TCIRG1: variants seen among roughly 807,000 people sequenced by gnomAD.
TCIRG1 encodes the protein V-type proton ATPase 116 kDa subunit a 3.
TCIRG1 carries 86 observed loss-of-function variants against 95.5 expected under a neutral mutation model. The observed-to-expected ratio is 0.90, with a 90% CI of 0.76 to 1.08. The LOEUF (loss-of-function observed/expected upper bound fraction) is 1.08, where lower values mean the gene tolerates loss of function less well. TCIRG1 is among the 50% of genes least tolerant of loss of function. The pLI is 0.00. For missense variants in TCIRG1, 1,069 were observed against 1,140.2 expected (o/e 0.94, Z 0.90); for synonymous variants, 499 against 501.3 (o/e 1.00, Z 0.06).
At chr11:68,043,934 G>A (rs763213665) in intron 8 of TCIRG1, 27 bp downstream of exon 8, 16 of 1,506,478 alleles carry the variant, frequency 1.1e-5, no homozygotes, top group South Asian at 6.0e-5. Context: ...TTCCGGAGGC[G>A]GGTGTAGGAG....
intron 10 of TCIRG1, chr11:68,047,003 G>GTTTTTT: frequency 3.3e-6 from 1 of 304,114 alleles, no homozygotes; most frequent in East Asian, 1.1e-4. Flanking sequence ...TAAGTGGTGG[G>GTTTTTT]TTCTTTTTTT....
rs1182841348 is a variant in TCIRG1 at position 68,043,615 on chromosome 11, T to C, written c.675T>C (p.Gly225=). 9.3e-6 allele frequency: 15 copies of C among 1,611,472 alleles called. No homozygotes were observed. The highest frequency in any genetic ancestry group is 1.3e-5 in the Non-Finnish European group (15 of 1,179,378). ...TWMTFLISYW[G]EQIGQKIRKI... ...TGACCTTCCTCATCTCCTACTGGGG[T>C]GAGCAGATCGGACAGAAGATCCGCA... Residue 225 remains glycine, a synonymous_variant, in exon 7 of 20, where the codon GGT becomes GGC. Coordinates refer to ENST00000265686, the MANE Select transcript of TCIRG1 (RefSeq NM_006019.4).
Position 68,049,671 on chromosome 11 carries a change from C to G in TCIRG1, c.1896C>G (p.Val632=), listed in dbSNP as rs2134462579. 1 of 1,600,674 alleles carries G rather than the reference C, an allele frequency of 6.2e-7. No homozygotes were observed. The highest frequency in any genetic ancestry group is 2.2e-5 in the East Asian group (1 of 44,814). Residue 632 remains valine, a synonymous_variant, in exon 16 of 20, where the codon GTC becomes GTG. Coordinates refer to ENST00000265686, the MANE Select transcript of TCIRG1 (RefSeq NM_006019.4). ...NRLLYPRQEV[V]QATLVVLALA... is the part of the protein sequence containing the mutation. ...CGCCCTCTCCCTGGCAGGAGGTGGTCCAGGCCACGCTGGTGGTCCTGGCCT... is the reference window on the plus strand; with the variant it reads ...CGCCCTCTCCCTGGCAGGAGGTGGTGCAGGCCACGCTGGTGGTCCTGGCCT...
intron 10 of TCIRG1, 146 bp downstream of exon 10, chr11:68,045,248 C>A: frequency 9.8e-7 from 1 of 1,017,060 alleles, no homozygotes; most frequent in Non-Finnish European, 1.5e-6. Context: ...TCTCAAGGGG[C>A]TGTTGGGCTC....
chr11:68,043,415 A>G lies in TCIRG1; in HGVS notation c.548A>G (p.Glu183Gly). ...AVEPHKAPAL[E>G]RLLWRACRGF... ...GAGCCCCACAAGGCCCCTGCCCTAG[A>G]GCGCCTGCTCTGGAGGGCCTGCCGC... Residue 183 changes from glutamate (E) to glycine (G), a missense_variant, in exon 6 of 20, where the codon GAG becomes GGG. Coordinates refer to ENST00000265686, the MANE Select transcript of TCIRG1 (RefSeq NM_006019.4). 2 of 1,543,060 alleles carry G rather than the reference A, an allele frequency of 1.3e-6. No homozygotes were observed. The highest frequency in any genetic ancestry group is 2.4e-5 in the South Asian group (2 of 83,958).
chr11:68,040,008 T>G (rs1302197682), intron 1 of TCIRG1: 1 of 152,348 alleles, frequency 6.6e-6, no homozygotes, highest in Non-Finnish European at 1.5e-5. Context: ...GCTGGGCACA[T>G]AACATTGGAC....
At position 68,049,679 on chromosome 11, in the gene TCIRG1, C is replaced by A. The variant is rs763119311; in HGVS notation, c.1904C>A (p.Thr635Lys). Reference protein sequence around the residue: ...LYPRQEVVQATLVVLALAMVP... With the variant: ...LYPRQEVVQAKLVVLALAMVP... Reference sequence around the variant, plus strand: ...CCCTGGCAGGAGGTGGTCCAGGCCACGCTGGTGGTCCTGGCCTTGGCCATG... The same window carrying A: ...CCCTGGCAGGAGGTGGTCCAGGCCAAGCTGGTGGTCCTGGCCTTGGCCATG... Residue 635 changes from threonine (T) to lysine (K), a missense_variant, in exon 16 of 20, where the codon ACG becomes AAG. By Grantham distance (78) the Thr-to-Lys change is moderately conservative (BLOSUM62 -1). Transcript: ENST00000265686. The A allele has an allele frequency of 6.2e-7, 1 of 1,600,920 alleles. No individual in the cohort carries two copies. Among genetic ancestry groups the A allele is most frequent in the South Asian group, 1.1e-5 (1 of 90,294 alleles).
rs751603708 is a variant in TCIRG1, at chr11:68,044,953, C to T, written c.1021-5C>T. 2 of 1,607,070 alleles carry T rather than the reference C, an allele frequency of 1.2e-6. No homozygotes were observed. Among genetic ancestry groups the T allele is most frequent in the African/African-American group, 2.7e-5 (2 of 74,934 alleles). On this transcript the variant is annotated splice_polypyrimidine_tract_variant and splice_region_variant and intron_variant, in intron 9 of 19. Coordinates refer to ENST00000265686, the MANE Select transcript of TCIRG1 (RefSeq NM_006019.4). Reference sequence around the variant, plus strand: ...GTTCTGGTCTGTCTCTGCCCTGGCACCCAGATGGAGGAGGGAGTGAGTGCC... The same window carrying T: ...GTTCTGGTCTGTCTCTGCCCTGGCATCCAGATGGAGGAGGGAGTGAGTGCC...
downstream of TCIRG1, chr11:68,052,474 G>A (rs1855830870): frequency 6.6e-6 from 1 of 152,284 alleles, no homozygotes; most frequent in Non-Finnish European, 1.5e-5. Flanking sequence ...TCCTGTGCAG[G>A]AGCGCAACAC....
At chr11:68,050,914 T>C, downstream of TCIRG1, 1 of 1,396,270 alleles carries the variant, frequency 7.2e-7, no homozygotes, top group Non-Finnish European at 9.9e-7. Flanking sequence ...TCGTCTCTCT[T>C]CCCTCCTTTT....
In TCIRG1 at chr11:68,050,257, G is replaced by A; in HGVS notation, c.2236+3G>A. 6.2e-7 allele frequency: 1 copy of A among 1,612,106 alleles called. No homozygotes were observed. The highest frequency in any genetic ancestry group is 8.5e-7 in the Non-Finnish European group (1 of 1,179,654). ...GGCCCTGAGCCTGGCCCACGCCCGT[G>A]AGTGACCTGGCCACCGACGGCTGGC... On this transcript the variant is annotated splice_donor_region_variant and intron_variant, in intron 18 of 19. Coordinates refer to ENST00000265686, the MANE Select transcript of TCIRG1 (RefSeq NM_006019.4).
chr11:68,050,423 AG>A lies in TCIRG1; in HGVS notation c.2237-62del, dbSNP rs375089837. On this transcript the variant is annotated intron_variant, in intron 18 of 19. Transcript: ENST00000265686. The stretch of plus-strand genomic sequence containing the variant: ...TGCAGGGAGGGCTTCAGGCTGCGGC[AG>A]GTAGGTAGGGGGCTGGCAGGCACCC... 13,731 of 1,610,850 alleles carry A rather than the reference AG, an allele frequency of 8.5e-3. 80 individuals are homozygous for A. Among genetic ancestry groups the A allele is most frequent in the Non-Finnish European group, 0.01 (12,230 of 1,179,754 alleles).
chr11:68,043,692 C>T, intron 7 of TCIRG1, 39 bp downstream of exon 7: 3 of 1,568,344 alleles, frequency 1.9e-6, no homozygotes, highest in Non-Finnish European at 2.6e-6. Flanking sequence ...GCCCTGCTCC[C>T]CAGGCCCCTG....
rs939899228 is a variant in TCIRG1 at position 68,043,727 on chromosome 11, C to A, written c.713+74C>A. On this transcript the variant is annotated intron_variant, in intron 7 of 19. Coordinates refer to ENST00000265686, the MANE Select transcript of TCIRG1 (RefSeq NM_006019.4). ...GCTGTCACCTCCCAGCCCGCCCTAT[C>A]GTGACTCCTCCCCATGAGCTCCCTT... 3.3e-6 allele frequency: 5 copies of A among 1,536,050 alleles called. No individual in the cohort carries two copies. In the African/African-American group the frequency reaches 6.8e-5, roughly 21 times the overall value.
chr11:68,049,504 T>G (rs1027946257), intron 15 of TCIRG1, 159 bp from the exon 16 acceptor site: 7 of 1,099,010 alleles, frequency 6.4e-6, no homozygotes, highest in African/African-American at 1.6e-5. Context: ...CAGGAGTCCT[T>G]ATGGAGGCAG....
At chr11:68,048,061 T>C in intron 13 of TCIRG1, 89 bp downstream of exon 13, 3 of 1,166,004 alleles carry the variant, frequency 2.6e-6, no homozygotes, top group Non-Finnish European at 1.3e-6. Context: ...CCTGCAGCGC[T>C]GTCGCTGAGC....
At position 68,049,708 on chromosome 11, in the gene TCIRG1, C is replaced by T; in HGVS notation, c.1933C>T (p.Pro645Ser). 2 of 1,596,548 alleles carry T rather than the reference C, an allele frequency of 1.3e-6. No homozygotes were observed. The highest frequency in any genetic ancestry group is 1.7e-6 in the Non-Finnish European group (2 of 1,176,554). ...TLVVLALAMV[P>S]ILLLGTPLHL... ...GGTGGTCCTGGCCTTGGCCATGGTG[C>T]CCATCCTGCTGCTTGGCACACCCCT... Residue 645 changes from proline to serine, a missense_variant, in exon 16 of 20, where the codon CCC becomes TCC. Physicochemically the swap from Pro to Ser is moderately conservative, Grantham distance 74. Coordinates refer to ENST00000265686, the MANE Select transcript of TCIRG1 (RefSeq NM_006019.4).
chr11:68,047,910 C>A lies in TCIRG1; in HGVS notation c.1492C>A (p.Leu498Ile), dbSNP rs1855590122. The A allele has an allele frequency of 1.1e-5, 17 of 1,613,796 alleles. No homozygotes were observed. The highest frequency in any genetic ancestry group is 1.4e-5 in the Non-Finnish European group (17 of 1,180,008). Residue 498 changes from leucine to isoleucine, a missense_variant, in exon 13 of 20, where the codon CTT (leucine) becomes ATT (isoleucine). Coordinates refer to ENST00000265686, the MANE Select transcript of TCIRG1 (RefSeq NM_006019.4). ...TGCATTCCTGGCCCAGCACACGATG[C>A]TTACCCTGGATCCCAACGTCACCGG... ...SDAFLAQHTM[L>I]TLDPNVTGVF...
At chr11:68,053,606 CA>C (rs1855883287), downstream of TCIRG1, 1 of 202,968 alleles carries the variant, frequency 4.9e-6, no homozygotes, top group Non-Finnish European at 1.0e-5. Context: ...TTCACCAGCA[CA>C]TTCATGAAAA....
Sources: gnomAD v4.1 joint callset for allele counts on GRCh38, gnomAD v4.1.1 for gene constraint, MANE v1.5 for transcripts, NCBI Gene and HGNC (gene_info 2026-07-23, HGNC 2026-07-21) for gene names.